LARGE1: variants seen among roughly 807,000 people sequenced by gnomAD.
The protein encoded by LARGE1 is LARGE xylosyl- and glucuronyltransferase 1.
LARGE1 carries 43 observed loss-of-function variants against 87.6 expected under a neutral mutation model. The ratio of observed to expected loss-of-function variants is 0.49; its 90% CI spans 0.38 to 0.63. The LOEUF (loss-of-function observed/expected upper bound fraction) is 0.63, where lower values mean the gene tolerates loss of function less well. Ranked by LOEUF, LARGE1 falls within the 30% of genes least tolerant of loss-of-function variation. LARGE1 has a pLI of 0.00. For synonymous variants in LARGE1, 434 were observed against 394.6 expected, an observed-to-expected ratio of 1.10 and a Z score of -1.18; for missense variants, 802 against 1,000.2, an observed-to-expected ratio of 0.80 and a Z score of 2.67.
intron 7 of LARGE1, among the ~76,000 whole-genome samples, chr22:33,390,774 C>T (rs150097633): frequency 9.2e-5 from 14 of 151,486 alleles, no homozygotes; most frequent in African/African-American, 3.1e-4. Context: ...GCTCACTGCA[C>T]CCTCCGCCTC....
At chr22:33,385,512 C>T (rs9607040) in intron 7 of LARGE1, among the ~76,000 whole-genome samples, 28,862 of 111,900 alleles carry the variant, frequency 0.26, 5,418 homozygotes, top group African/African-American at 0.49. Flanking sequence ...TGGACGACAG[C>T]GCAGGACACC....
intron 6 of LARGE1, among the ~76,000 whole-genome samples, chr22:33,541,336 T>C (rs1365890299): frequency 6.6e-6 from 1 of 151,612 alleles, no homozygotes. Context: ...AGAAAAATGG[T>C]TGTGATGCAA....
intron 11 of LARGE1, among the ~76,000 whole-genome samples, chr22:33,234,185 CATGTGCTTGCACAGTGAAA>C (rs1294707908): frequency 1.3e-5 from 2 of 152,244 alleles, no homozygotes; most frequent in Non-Finnish European, 2.9e-5. Flanking sequence ...TTCATCTCAC[CATGTGCTTGCACAGTGAAA>C]ATGCTTGCAG....
At chr22:33,542,123 C>T (rs1241169378) in intron 6 of LARGE1, among the ~76,000 whole-genome samples, 5 of 140,872 alleles carry the variant, frequency 3.5e-5, no homozygotes, top group Admixed American at 3.1e-4. Context: ...GATCGCACCA[C>T]TGCACTCCAG....
At chr22:33,697,113 G>A (rs2082274831) in intron 2 of LARGE1, among the ~76,000 whole-genome samples, 1 of 152,176 alleles carries the variant, frequency 6.6e-6, no homozygotes, top group Non-Finnish European at 1.5e-5. Flanking sequence ...CCAGGAGGTA[G>A]AGGATGCCCT....
At chr22:33,250,622 G>A (rs1021413006) in intron 11 of LARGE1, among the ~76,000 whole-genome samples, 4 of 152,144 alleles carry the variant, frequency 2.6e-5, no homozygotes, top group African/African-American at 7.2e-5. Context: ...TCACCACTAC[G>A]TGTGATATTA....
At chr22:33,864,203 T>A (rs1211520768) in intron 1 of LARGE1, among the ~76,000 whole-genome samples, 1 of 152,136 alleles carries the variant, frequency 6.6e-6, no homozygotes, top group Non-Finnish European at 1.5e-5. Flanking sequence ...AGGTTCCTTG[T>A]AGGTTTAAGG....
At chr22:33,907,739 C>T (rs796476370) in intron 1 of LARGE1, among the ~76,000 whole-genome samples, 12 of 152,244 alleles carry the variant, frequency 7.9e-5, no homozygotes, top group African/African-American at 2.4e-4. Context: ...GGACTACAGG[C>T]GCCCGCCACC....
At chr22:33,694,468 G>A (rs2149347650) in intron 2 of LARGE1, among the ~76,000 whole-genome samples, 1 of 152,326 alleles carries the variant, frequency 6.6e-6, no homozygotes. Context: ...TCTACTGTTG[G>A]TTGAATCATT....
At chr22:33,267,492 T>C (rs1488878571) in intron 11 of LARGE1, among the ~76,000 whole-genome samples, 1 of 151,640 alleles carries the variant, frequency 6.6e-6, no homozygotes, top group Non-Finnish European at 1.5e-5. Context: ...TCAGAGTTAA[T>C]GAAATTGTGA....
intron 1 of LARGE1, among the ~76,000 whole-genome samples, chr22:33,910,625 T>C (rs553435924): frequency 6.6e-6 from 1 of 152,206 alleles, no homozygotes; most frequent in Admixed American, 6.5e-5. Flanking sequence ...TGTTCCGCTG[T>C]CAAGCCAGGA....
chr22:33,358,547 A>C (rs2064263599), intron 9 of LARGE1, among the ~76,000 whole-genome samples: 1 of 152,148 alleles, frequency 6.6e-6, no homozygotes, highest in Non-Finnish European at 1.5e-5. Context: ...AAATGCTATA[A>C]ATTGCCCCTA....
the LARGE1 span, among the ~76,000 whole-genome samples, chr22:33,138,318 G>A: frequency 4.9e-4 from 75 of 152,254 alleles, no homozygotes; most frequent in African/African-American, 1.6e-3. Flanking sequence ...TGGAACTGCC[G>A]TATTTACCCA....
chr22:33,120,446 TTC>T, the LARGE1 span, among the ~76,000 whole-genome samples: 14 of 148,504 alleles, frequency 9.4e-5, no homozygotes, highest in Non-Finnish European at 1.3e-4. Context: ...CCTTCCTTCC[TTC>T]TCTCTCTCTC....
At chr22:33,422,035 G>T (rs2066712510) in intron 7 of LARGE1, among the ~76,000 whole-genome samples, 1 of 152,224 alleles carries the variant, frequency 6.6e-6, no homozygotes, top group Non-Finnish European at 1.5e-5. Context: ...TACTCTCTGT[G>T]AGCAAGGAGC....
chr22:33,626,807 G>GA (rs2079935840), intron 3 of LARGE1, among the ~76,000 whole-genome samples: 1 of 152,184 alleles, frequency 6.6e-6, no homozygotes. Context: ...GAACACCTCC[G>GA]CACCCCATCT....
intron 7 of LARGE1, among the ~76,000 whole-genome samples, chr22:33,430,801 A>G (rs1426436485): frequency 6.6e-6 from 1 of 152,114 alleles, no homozygotes; most frequent in Non-Finnish European, 1.5e-5. Flanking sequence ...AGCTTGACTC[A>G]TGTCCCTTCT....
the LARGE1 span, among the ~76,000 whole-genome samples, chr22:33,146,811 T>TA: frequency 2.6e-5 from 4 of 152,160 alleles, no homozygotes; most frequent in African/African-American, 7.2e-5. Context: ...AATTTTTACT[T>TA]ACACATACAA....
At chr22:33,312,578 T>A (rs1025511775) in intron 11 of LARGE1, among the ~76,000 whole-genome samples, 1 of 152,122 alleles carries the variant, frequency 6.6e-6, no homozygotes, top group East Asian at 1.9e-4. Flanking sequence ...AGAAAGTATA[T>A]CAGATTTCTT....
Sources: allele counts gnomAD v4.1 joint callset (sites outside exome capture counted in the v4.1 genomes callset), GRCh38; gene constraint gnomAD v4.1.1; transcripts MANE v1.5; gene names NCBI Gene and HGNC (gene_info 2026-07-23, HGNC 2026-07-21).